Variants in XXYLT1 observed in about 807,000 individuals in gnomAD.
XXYLT1 encodes UDP-xylose:alpha-xyloside alpha-1,3-xylosyltransferase.
Under a neutral mutation model 28.9 loss-of-function variants are expected in XXYLT1, and 20 were observed. The observed-to-expected ratio is 0.69, with a 90% CI of 0.49 to 1.00. The LOEUF is 1.00. Among genes scored for constraint, XXYLT1 ranks in the 50% least tolerant of loss-of-function variants. The pLI is 0.00. For synonymous variants in XXYLT1, 257 were observed against 253.8 expected, an observed-to-expected ratio of 1.01 and a Z score of -0.12; for missense variants, 542 against 560.1, an observed-to-expected ratio of 0.97 and a Z score of 0.33.
At chr3:195,261,595 C>T (rs955584102) in intron 1 of XXYLT1, among the ~76,000 whole-genome samples, 1 of 152,158 alleles carries the variant, frequency 6.6e-6, no homozygotes, top group African/African-American at 2.4e-5. Context: ...CAGAAATGTC[C>T]AAACCATGTC....
At chr3:195,152,595 G>A (rs1720338287) in intron 3 of XXYLT1, 1 of 152,134 alleles carries the variant, frequency 6.6e-6, no homozygotes, top group South Asian at 2.1e-4. Flanking sequence ...TGGGGAGGGG[G>A]AACTGTGAAA....
At chr3:195,093,309 AGAAAATGT>A (rs1456809653) in intron 3 of XXYLT1, among the ~76,000 whole-genome samples, 1 of 98,294 alleles carries the variant, frequency 1.0e-5, no homozygotes, top group Non-Finnish European at 1.9e-5. Context: ...GACTGGATTA[AGAAAATGT>A]GGCACATATA....
intron 1 of XXYLT1, among the ~76,000 whole-genome samples, chr3:195,251,701 C>A (rs1168271653): frequency 6.6e-6 from 1 of 152,174 alleles, no homozygotes; most frequent in African/African-American, 2.4e-5. Flanking sequence ...TCCAAAGTTG[C>A]CCCCAAGCCT....
rs1718984497 is a variant in XXYLT1, at chr3:195,133,084, G to A, written c.785+23365C>T. On this transcript the variant is annotated intron_variant, in intron 3 of 3. Transcript: ENST00000310380. This position sits in a 1 kb window ranked among gnomAD's most constrained non-coding sequence, Gnocchi z 4.4. ...AAAAACCCTGCTTGGGGTGGAGGTG[G>A]TGGGCAAGTGTAAGCACCAGCATGG... 1.3e-5 allele frequency among the ~76,000 whole-genome samples: 2 copies of A among 152,130 alleles called. No homozygotes were observed. Among genetic ancestry groups the A allele is most frequent in the South Asian group, 4.1e-4 (2 of 4,824 alleles).
chr3:195,086,851 G>A (rs1049617129), intron 3 of XXYLT1, among the ~76,000 whole-genome samples: 1 of 152,092 alleles, frequency 6.6e-6, no homozygotes, highest in Non-Finnish European at 1.5e-5. Context: ...AGAGCTCCGG[G>A]TCCTGGCTTC....
intron 3 of XXYLT1, among the ~76,000 whole-genome samples, chr3:195,117,223 A>C (rs1313362373): frequency 6.6e-6 from 1 of 152,164 alleles, no homozygotes. Context: ...ACACATACAC[A>C]CACGCGTCCA....
intron 1 of XXYLT1, among the ~76,000 whole-genome samples, chr3:195,254,244 G>C (rs188699670): frequency 1.3e-5 from 2 of 152,220 alleles, no homozygotes; most frequent in African/African-American, 4.8e-5. Context: ...ACTGACCACA[G>C]GTTAAATTTG....
intron 3 of XXYLT1, among the ~76,000 whole-genome samples, chr3:195,121,339 T>C (rs78727940): frequency 0.034 from 5,229 of 152,276 alleles, 135 homozygotes; most frequent in Middle Eastern, 0.12. Flanking sequence ...GGGTTCCCTC[T>C]TGTACAGAAA....
rs534844353 is a variant in XXYLT1, at chr3:195,180,412, C to T, written c.653-23831G>A. On this transcript the variant is annotated intron_variant, in intron 2 of 3. Transcript: ENST00000310380. This position sits in a 1 kb window ranked among gnomAD's most constrained non-coding sequence, Gnocchi z 5.8. ...ACACTTCCTTCGGCTGCAGCCTCGCCGATTCCCGAGCTGTTTCCTGCTGCT... is the reference window on the plus strand; with the variant it reads ...ACACTTCCTTCGGCTGCAGCCTCGCTGATTCCCGAGCTGTTTCCTGCTGCT... 4 of 985,674 alleles carry T rather than the reference C, an allele frequency of 4.1e-6. No homozygotes were observed. Among genetic ancestry groups the T allele is most frequent in the East Asian group, 1.1e-4 (1 of 8,818 alleles). 61.1% of individuals were successfully genotyped at this position (985,674 alleles called of 1,614,324 possible).
intron 1 of XXYLT1, among the ~76,000 whole-genome samples, chr3:195,261,808 A>C (rs1725708107): frequency 6.6e-6 from 1 of 152,248 alleles, no homozygotes; most frequent in South Asian, 2.1e-4. Context: ...GACCAAAACT[A>C]AAATGAGATA....
chr3:195,201,991 A>G (rs757525670), intron 2 of XXYLT1, among the ~76,000 whole-genome samples: 6 of 152,188 alleles, frequency 3.9e-5, no homozygotes, highest in Non-Finnish European at 7.3e-5. Context: ...AGCCTGACCA[A>G]CATGGAGAAA....
intron 3 of XXYLT1, among the ~76,000 whole-genome samples, chr3:195,098,116 A>C (rs1716553855): frequency 6.6e-6 from 1 of 152,120 alleles, no homozygotes; most frequent in Non-Finnish European, 1.5e-5. Flanking sequence ...GGCAGGTTAG[A>C]GCTGGGGAGA....
At chr3:195,130,677 T>G (rs1219104169) in intron 3 of XXYLT1, among the ~76,000 whole-genome samples, 1 of 152,136 alleles carries the variant, frequency 6.6e-6, no homozygotes, top group East Asian at 1.9e-4. Flanking sequence ...AGCAAAGCAC[T>G]GGAGGCGAGA....
chr3:195,206,561 G>A (rs945052309), intron 2 of XXYLT1, among the ~76,000 whole-genome samples: 1 of 151,840 alleles, frequency 6.6e-6, no homozygotes, highest in African/African-American at 2.4e-5. Context: ...TTGAGGTCAG[G>A]AGTTCAGGAC....
intron 3 of XXYLT1, chr3:195,122,280 C>T (rs1418959062): frequency 6.0e-6 from 4 of 663,186 alleles, no homozygotes; most frequent in Middle Eastern, 3.2e-4. Flanking sequence ...TGGGGGGATA[C>T]AATTATTCAG....
chr3:195,102,980 CT>C (rs1716874547), intron 3 of XXYLT1, among the ~76,000 whole-genome samples: 1 of 152,218 alleles, frequency 6.6e-6, no homozygotes, highest in Non-Finnish European at 1.5e-5. Context: ...CCAACAGTGG[CT>C]ATCTCTTGTG....
chr3:195,121,715 C>A (rs1481228245), intron 3 of XXYLT1, among the ~76,000 whole-genome samples: 1 of 152,228 alleles, frequency 6.6e-6, no homozygotes, highest in African/African-American at 2.4e-5. Flanking sequence ...GGGCCTCGTG[C>A]TGAGACTCTA....
rs1164966217 is a variant in XXYLT1, at chr3:195,195,686, C to T, written c.652+31023G>A. Among the ~76,000 whole-genome samples, 1 of 152,170 alleles carries T rather than the reference C, an allele frequency of 6.6e-6. No individual in the cohort carries two copies. The highest frequency in any genetic ancestry group is 1.5e-5 in the Non-Finnish European group (1 of 68,016). On this transcript the variant is annotated intron_variant, in intron 2 of 3. Transcript: ENST00000310380. The surrounding 1 kb of genome is among the most constrained non-coding windows in gnomAD (Gnocchi z 4.4). ...TACTGCCCAGCCCGGGAACTCCATT[C>T]ATACAGCTCTCAGGAACAGCTCGGA...
rs1041795588 is a variant in XXYLT1 at position 195,150,763 on chromosome 3, C to T, written c.785+5686G>A. Among the ~76,000 whole-genome samples, 2 of 152,032 alleles carry T rather than the reference C, an allele frequency of 1.3e-5. No homozygotes were observed. Among genetic ancestry groups the T allele is most frequent in the Non-Finnish European group, 2.9e-5 (2 of 68,010 alleles). ...AAGTGACCATAACAAAGGGCCACAGCCCACATACGCACACACTCACACACA... is the reference window on the plus strand; with the variant it reads ...AAGTGACCATAACAAAGGGCCACAGTCCACATACGCACACACTCACACACA... On this transcript the variant is annotated intron_variant, in intron 3 of 3. Transcript: ENST00000310380. The surrounding 1 kb of genome is among the most constrained non-coding windows in gnomAD (Gnocchi z 4.7).
Sources: allele counts gnomAD v4.1 joint callset (sites outside exome capture counted in the v4.1 genomes callset), GRCh38; gene constraint gnomAD v4.1.1; non-coding constraint Gnocchi (gnomAD v3.1); transcripts MANE v1.5; gene names NCBI Gene and HGNC (gene_info 2026-07-23, HGNC 2026-07-21).